SMAP2: variants seen among roughly 807,000 people sequenced by gnomAD.
SMAP2 encodes the protein stromal membrane-associated protein 2.
Under a neutral mutation model 56.4 loss-of-function variants are expected in SMAP2, and 25 were observed. The ratio of observed to expected loss-of-function variants is 0.44; its 90% CI spans 0.32 to 0.62. The LOEUF is 0.62. Ranked by LOEUF, SMAP2 falls within the 20% of genes least tolerant of loss-of-function variation. The pLI, the probability that SMAP2 is intolerant of heterozygous loss-of-function variation, is 0.04. For missense variants in SMAP2, 388 were observed against 545.6 expected (o/e 0.71, Z 2.88); for synonymous variants, 157 against 181.7 (o/e 0.86, Z 1.09).
chr1:40,375,825 A>T, intron 1 of SMAP2: 1 of 673,916 alleles, frequency 1.5e-6, no homozygotes, highest in Non-Finnish European at 1.7e-6. Context: ...TGGTGACTAG[A>T]ACCCCCCCCC....
intron 1 of SMAP2, among the ~76,000 whole-genome samples, chr1:40,398,222 G>T (rs780286192): frequency 1.3e-5 from 2 of 151,672 alleles, no homozygotes; most frequent in East Asian, 1.9e-4. Flanking sequence ...GTGCATACGC[G>T]TACATTTATT....
chr1:40,412,022 A>T (rs1010952797), intron 4 of SMAP2, among the ~76,000 whole-genome samples: 19 of 152,164 alleles, frequency 1.2e-4, no homozygotes, highest in African/African-American at 3.9e-4. Flanking sequence ...TATAGTGTTT[A>T]TAATTTTTAA....
intron 1 of SMAP2, among the ~76,000 whole-genome samples, chr1:40,376,753 T>G (rs553455174): frequency 1.5e-4 from 23 of 152,180 alleles, no homozygotes; most frequent in Non-Finnish European, 2.8e-4. Context: ...GGGTTTCAGT[T>G]TATTTACCTG....
chr1:40,391,782 GT>G (rs1644720001), intron 1 of SMAP2, among the ~76,000 whole-genome samples: 1 of 152,094 alleles, frequency 6.6e-6, no homozygotes, highest in Non-Finnish European at 1.5e-5. Flanking sequence ...TGCAGCTTTA[GT>G]TTTTTGTTTT....
At chr1:40,347,240 G>GTGTTTTTTT (rs58284805) in intron 1 of SMAP2, among the ~76,000 whole-genome samples, 2 of 88,404 alleles carry the variant, frequency 2.3e-5, no homozygotes, top group African/African-American at 8.0e-5. Flanking sequence ...GTGTGTGTGT[G>GTGTTTTTTT]TTTTGTTTTT....
intron 1 of SMAP2, among the ~76,000 whole-genome samples, chr1:40,348,601 C>T (rs1416485853): frequency 6.6e-6 from 1 of 151,930 alleles, no homozygotes; most frequent in African/African-American, 2.4e-5. Flanking sequence ...CGCTTGAACC[C>T]AGGAGGCAGA....
intron 1 of SMAP2, among the ~76,000 whole-genome samples, chr1:40,387,253 A>G (rs1273455768): frequency 1.3e-5 from 2 of 152,212 alleles, no homozygotes; most frequent in African/African-American, 4.8e-5. Flanking sequence ...TTATTTCATG[A>G]CATTAAAAAC....
chr1:40,377,178 C>G (rs1163926330), intron 1 of SMAP2, among the ~76,000 whole-genome samples: 1 of 152,120 alleles, frequency 6.6e-6, no homozygotes, highest in Non-Finnish European at 1.5e-5. Context: ...CCCAGCTACT[C>G]AGGAGGCTGA....
At position 40,415,382 on chromosome 1, in the gene SMAP2, G is replaced by A. The variant is rs541303824; in HGVS notation, c.681+1G>A. ...CCCTTCTTCTTCCGGTTCCAGAAAG[G>A]TGAGTCTTGTGGGCTCCTCAGGATT... On this transcript the variant is annotated splice_donor_variant, in intron 7 of 9. Coordinates refer to ENST00000372718, the MANE Select transcript of SMAP2 (RefSeq NM_022733.3). LOFTEE classifies it high-confidence loss of function. 6.3e-7 allele frequency: 1 copy of A among 1,579,138 alleles called. No individual in the cohort carries two copies. The highest frequency in any genetic ancestry group is 1.3e-5 in the African/African-American group (1 of 74,212).
At position 40,405,881 on chromosome 1, in the gene SMAP2, TTTC is replaced by T. The variant is rs1405793544; in HGVS notation, c.104-852_104-850del. Among the ~76,000 whole-genome samples the T allele has an allele frequency of 9.2e-5, 14 of 152,330 alleles. 1 individual carries two copies. Among genetic ancestry groups the T allele is most frequent in the East Asian group, 5.8e-4 (3 of 5,190 alleles). On this transcript the variant is annotated intron_variant, in intron 1 of 9. Transcript: ENST00000372718. Reference sequence around the variant, plus strand: ...TTTGAATTAAAATTCATATTTGAGATTTCTTTTTTGTTGCTATAAGCATCTTTA... The same window carrying T: ...TTTGAATTAAAATTCATATTTGAGATTTTTTTGTTGCTATAAGCATCTTTA...
intron 1 of SMAP2, among the ~76,000 whole-genome samples, chr1:40,380,296 T>C (rs913212073): frequency 2.0e-5 from 3 of 152,208 alleles, no homozygotes; most frequent in Non-Finnish European, 4.4e-5. Flanking sequence ...ATGGTACCCT[T>C]GAGGATGGTC....
In SMAP2 at chr1:40,416,928, C is replaced by T; in HGVS notation, c.996C>T (p.Pro332=). ...AQPGASGMVA[P]MAMPAGYMGG... ...CAGGAGCTTCTGGGATGGTTGCCCC[C>T]ATGGCCATGCCTGCAGGCTATATGG... The change falls in exon 9 of 10, where the codon CCC becomes CCT. Residue 332 remains proline (P), a synonymous_variant. Transcript: ENST00000372718. 6.2e-7 allele frequency: 1 copy of T among 1,614,212 alleles called. No individual in the cohort carries two copies. Among genetic ancestry groups the T allele is most frequent in the Non-Finnish European group, 8.5e-7 (1 of 1,180,040 alleles).
Position 40,406,833 on chromosome 1 carries a change from A to G in SMAP2, c.201A>G (p.Ser67=). Residue 67 remains serine (S), a synonymous_variant, in exon 2 of 10, where the codon TCA becomes TCG. Transcript: ENST00000372718. ...GGGTGCACATATCCAGGGTAAAGTC[A>G]GTTAACCTCGACCAGTGGACTCAAG... ...NLGVHISRVK[S]VNLDQWTQEQ... The G allele has an allele frequency of 6.2e-7, 1 of 1,614,058 alleles. No homozygotes were observed. Among genetic ancestry groups the G allele is most frequent in the Non-Finnish European group, 8.5e-7 (1 of 1,179,934 alleles).
chr1:40,365,777 C>T (rs1644478989), intron 2 of SMAP2, among the ~76,000 whole-genome samples: 1 of 152,040 alleles, frequency 6.6e-6, no homozygotes, highest in South Asian at 2.1e-4. Flanking sequence ...AAACTGGAAG[C>T]TCCAAAAATC....
intron 1 of SMAP2, chr1:40,393,249 A>T (rs1644734616): frequency 7.3e-7 from 1 of 1,368,584 alleles, no homozygotes; most frequent in Admixed American, 2.7e-5. Flanking sequence ...TTGCTTGAGC[A>T]TAGGAGATTG....
intron 1 of SMAP2, chr1:40,375,827 C>CA (rs1491112590): frequency 6.1e-5 from 2 of 32,578 alleles, no homozygotes; most frequent in Non-Finnish European, 7.8e-5. Context: ...GTGACTAGAA[C>CA]CCCCCCCCCC....
rs189362684 is a variant in SMAP2, at chr1:40,413,278, G to A, written c.489+176G>A. ...TTCTGCTCTCTCGTTACCAGTTGCT[G>A]CCTAAATCTGCTCTGTAAGGGCTTC... On this transcript the variant is annotated intron_variant, in intron 5 of 9. Transcript: ENST00000372718. 1.2e-4 allele frequency among the ~76,000 whole-genome samples: 18 copies of A among 152,280 alleles called. No homozygotes were observed. In the East Asian group the frequency reaches 2.7e-3, roughly 23 times the overall value.
chr1:40,409,647 AC>A, intron 3 of SMAP2, 109 bp from the exon 4 acceptor site: 1 of 735,756 alleles, frequency 1.4e-6, no homozygotes, highest in Non-Finnish European at 2.3e-6. Context: ...ATGTGGGGAA[AC>A]CAGGCAAGAG....
chr1:40,380,529 C>CTTTTTTTTTTTTTTT (rs370625950), intron 1 of SMAP2, among the ~76,000 whole-genome samples: 4 of 142,878 alleles, frequency 2.8e-5, no homozygotes, highest in Admixed American at 7.1e-5. Context: ...ATCTGTGGCA[C>CTTTTTTTTTTTTTTT]TTTTTTTTTT....
Sources: allele counts gnomAD v4.1 joint callset (sites outside exome capture counted in the v4.1 genomes callset), GRCh38; gene constraint gnomAD v4.1.1; transcripts MANE v1.5; gene names NCBI Gene and HGNC (gene_info 2026-07-23, HGNC 2026-07-21).